TENT5D: variants seen among roughly 807,000 people sequenced by gnomAD.
The protein encoded by TENT5D is cancer/testis antigen 112.
For missense variants in TENT5D, 191 were observed against 287.0 expected (o/e 0.67, Z 2.42); for synonymous variants, 103 against 100.6 (o/e 1.02, Z -0.15).
At chrX:80,383,180 C>T (rs1361399898) in intron 3 of TENT5D, among the ~76,000 whole-genome samples, 1 of 112,532 alleles carries the variant, frequency 8.9e-6, no homozygotes, top group Non-Finnish European at 1.9e-5. Flanking sequence ...AAATTTTGAA[C>T]AGTGCCCCTT....
chrX:80,392,665 C>T (rs1226344769), intron 3 of TENT5D, among the ~76,000 whole-genome samples: 10 of 103,493 alleles, frequency 9.7e-5, no homozygotes, highest in South Asian at 9.1e-4. Context: ...TACAGGCGCC[C>T]GCCACCGCGC....
At chrX:80,444,324 A>G (rs1363128415) in exon 3 of TENT5D, 3 of 122,360 alleles carry the variant, frequency 2.5e-5, no homozygotes, top group African/African-American at 9.8e-5. Flanking sequence ...GGAATACTGG[A>G]AAAAAATGGT....
At chrX:80,399,873 G>C (rs908033943) in intron 3 of TENT5D, among the ~76,000 whole-genome samples, 24 of 112,064 alleles carry the variant, frequency 2.1e-4, no homozygotes, top group African/African-American at 7.1e-4. Context: ...AGGGGATACA[G>C]TAAGAAGAAA....
chrX:80,392,840 A>G (rs1931162773), intron 3 of TENT5D, among the ~76,000 whole-genome samples: 1 of 111,318 alleles, frequency 9.0e-6, no homozygotes, highest in African/African-American at 3.3e-5. Flanking sequence ...CTTAAAATTT[A>G]TCTTCTCTAA....
chrX:80,351,431 G>T (rs1033522892), intron 3 of TENT5D, among the ~76,000 whole-genome samples: 1 of 106,281 alleles, frequency 9.4e-6, no homozygotes, highest in Admixed American at 1.0e-4. Flanking sequence ...TCTTCTGCTT[G>T]ATTGATTCGG....
chrX:80,426,930 T>G, intron 1 of TENT5D, among the ~76,000 whole-genome samples: 1 of 111,380 alleles, frequency 9.0e-6, no homozygotes, highest in Non-Finnish European at 1.9e-5. Flanking sequence ...TGTGCTATTC[T>G]CATGATAGTG....
chrX:80,432,768 TAAGTG>T (rs1932111592), intron 1 of TENT5D, among the ~76,000 whole-genome samples: 1 of 110,888 alleles, frequency 9.0e-6, no homozygotes, highest in African/African-American at 3.3e-5. Flanking sequence ...AAAAGTTTAA[TAAGTG>T]AAAGAAGAAA....
intron 3 of TENT5D, among the ~76,000 whole-genome samples, chrX:80,373,694 A>T (rs1195328878): frequency 9.0e-6 from 1 of 111,216 alleles, no homozygotes; most frequent in Non-Finnish European, 1.9e-5. Context: ...TCACATCACC[A>T]AGTGCAATTG....
chrX:80,444,094 G>A (rs944173791), exon 3 of TENT5D: 6 of 137,946 alleles, frequency 4.3e-5, no homozygotes, highest in Non-Finnish European at 9.6e-5. Flanking sequence ...AAATTAAGAT[G>A]TACAGTGAAG....
chrX:80,440,116 AT>A (rs1325831042), intron 2 of TENT5D, among the ~76,000 whole-genome samples: 1 of 111,773 alleles, frequency 8.9e-6, no homozygotes, highest in Non-Finnish European at 1.9e-5. Flanking sequence ...TTCTGTAATT[AT>A]TATGAAATAC....
At chrX:80,367,866 G>C (rs1044342422) in intron 3 of TENT5D, among the ~76,000 whole-genome samples, 5 of 111,538 alleles carry the variant, frequency 4.5e-5, no homozygotes, top group Non-Finnish European at 7.5e-5. Flanking sequence ...AGTTGGAGAG[G>C]GGGAAGTAGT....
At chrX:80,394,576 T>C (rs1287570010) in intron 3 of TENT5D, among the ~76,000 whole-genome samples, 1 of 108,925 alleles carries the variant, frequency 9.2e-6, no homozygotes, top group Admixed American at 9.8e-5. Context: ...ATTTTTTTAG[T>C]AGAGAAGGGG....
intron 1 of TENT5D, among the ~76,000 whole-genome samples, chrX:80,420,835 G>A (rs1569371972): frequency 1.8e-5 from 2 of 111,711 alleles, no homozygotes. Context: ...TAACTGATAC[G>A]TTGATATAGT....
chrX:80,384,073 A>C (rs911656207), intron 3 of TENT5D, among the ~76,000 whole-genome samples: 1 of 108,791 alleles, frequency 9.2e-6, no homozygotes, highest in African/African-American at 3.3e-5. Context: ...AACTCATTTT[A>C]TGAGGCAAGC....
rs1466657317 is a variant in TENT5D at position 80,345,969 on chromosome X, A to G, written c.-142+3405A>G. ...TTACGTCCTCCCTCCCCAGTTATTG[A>G]GAAGTAACTCCTACATTTTTCATTC... On this transcript the variant is annotated intron_variant, in intron 3 of 4. Transcript: ENST00000538312. Among the ~76,000 whole-genome samples the G allele has an allele frequency of 2.7e-5, 3 of 111,991 alleles. No homozygotes were observed. In the Admixed American group the frequency reaches 2.9e-4, roughly 11 times the overall value.
chrX:80,394,377 A>T (rs1260822280), intron 3 of TENT5D, among the ~76,000 whole-genome samples: 31 of 52,518 alleles, frequency 5.9e-4, no homozygotes, highest in Non-Finnish European at 7.7e-4. Context: ...AGAAATGTCT[A>T]TTCAGGTCCT....
At chrX:80,411,869 G>T (rs1489890697) in intron 3 of TENT5D, among the ~76,000 whole-genome samples, 3 of 111,837 alleles carry the variant, frequency 2.7e-5, no homozygotes, top group African/African-American at 9.8e-5. Flanking sequence ...CAAACTGCCA[G>T]TGGAGCTACC....
intron 3 of TENT5D, among the ~76,000 whole-genome samples, chrX:80,364,299 C>T (rs903047351): frequency 9.0e-6 from 1 of 111,567 alleles, no homozygotes; most frequent in Non-Finnish European, 1.9e-5. Context: ...CTTTTTGTTA[C>T]TCTCTTTACT....
rs756544698 is a variant in TENT5D at position 80,336,344 on chromosome X, C to A, written c.-207+628C>A. Among the ~76,000 whole-genome samples the A allele has an allele frequency of 3.6e-5, 4 of 109,986 alleles. No individual in the cohort carries two copies. The South Asian group carries it at 1.6e-3, about 43-fold the overall frequency. ...TTGGTGGTAGGCTTCAGACTGTTACCCTAACTACAAACCTTCGATGCTGGA... is the reference window on the plus strand; with the variant it reads ...TTGGTGGTAGGCTTCAGACTGTTACACTAACTACAAACCTTCGATGCTGGA... On this transcript the variant is annotated intron_variant, in intron 2 of 4. Transcript: ENST00000538312.
Sources: allele counts gnomAD v4.1 joint callset (sites outside exome capture counted in the v4.1 genomes callset), GRCh38; gene constraint gnomAD v4.1.1; transcripts MANE v1.5; gene names NCBI Gene and HGNC (gene_info 2026-07-23, HGNC 2026-07-21).